Variants in PCDH11X observed in about 807,000 individuals in gnomAD.
PCDH11X encodes the protein protocadherin 11 X-linked.
In PCDH11X, 18 loss-of-function variants were observed where a neutral mutation model predicts 53.3. The observed-to-expected ratio is 0.34, with a 90% CI of 0.23 to 0.50. PCDH11X has a LOEUF of 0.50. PCDH11X is among the 20% of genes least tolerant of loss of function. The pLI, the probability that PCDH11X is intolerant of heterozygous loss-of-function variation, is 0.98. For missense variants in PCDH11X, 570 were observed against 1,032.4 expected (o/e 0.55, Z 6.14); for synonymous variants, 279 against 393.3 (o/e 0.71, Z 3.44).
intron 6 of PCDH11X, among the ~76,000 whole-genome samples, chrX:92,108,895 G>A (rs2064441792): frequency 9.0e-6 from 1 of 111,688 alleles, no homozygotes; most frequent in South Asian, 3.7e-4. Context: ...ATCATTATAA[G>A]TTTTGTAATA....
chrX:92,081,086 C>T (rs1308341457), intron 6 of PCDH11X, among the ~76,000 whole-genome samples: 1 of 111,452 alleles, frequency 9.0e-6, no homozygotes, highest in Non-Finnish European at 1.9e-5. Context: ...AAGTGGCATA[C>T]TTTGGAGCAG....
chrX:92,560,607 A>G (rs2075117439), intron 10 of PCDH11X, among the ~76,000 whole-genome samples: 1 of 108,877 alleles, frequency 9.2e-6, no homozygotes, highest in Non-Finnish European at 1.9e-5. Context: ...AGTCACCACA[A>G]GCTGACTTGG....
chrX:92,299,656 A>G, intron 8 of PCDH11X, among the ~76,000 whole-genome samples: 1 of 111,000 alleles, frequency 9.0e-6, no homozygotes, highest in Non-Finnish European at 1.9e-5. Flanking sequence ...GTCAGTGGTA[A>G]TGTCCTCTTT....
intron 8 of PCDH11X, among the ~76,000 whole-genome samples, chrX:92,311,869 GATAAA>G (rs2068958565): frequency 9.0e-6 from 1 of 110,972 alleles, no homozygotes; most frequent in Non-Finnish European, 1.9e-5. Context: ...TTACAATACA[GATAAA>G]ATGGAATATA....
chrX:92,470,970 T>C (rs780496029), intron 10 of PCDH11X, among the ~76,000 whole-genome samples: 3 of 109,233 alleles, frequency 2.7e-5, no homozygotes, highest in African/African-American at 1.0e-4. Context: ...ATAAGTTTTG[T>C]AGTGTTCCCT....
At chrX:92,601,586 A>G (rs1356406638) in intron 10 of PCDH11X, among the ~76,000 whole-genome samples, 6 of 110,326 alleles carry the variant, frequency 5.4e-5, no homozygotes, top group Non-Finnish European at 1.1e-4. Flanking sequence ...GTTGAAATAG[A>G]GATTCAAACA....
At chrX:91,904,615 GATA>G (rs1211264473) in intron 6 of PCDH11X, among the ~76,000 whole-genome samples, 3 of 110,878 alleles carry the variant, frequency 2.7e-5, no homozygotes, top group East Asian at 2.8e-4. Context: ...CCAACTCAAT[GATA>G]ATAAGTGTTA....
At chrX:91,888,366 A>G (rs1215535703) in intron 6 of PCDH11X, among the ~76,000 whole-genome samples, 4 of 112,079 alleles carry the variant, frequency 3.6e-5, no homozygotes, top group African/African-American at 9.7e-5. Context: ...AAAAATTTTC[A>G]GTGGCCAGGC....
At chrX:92,148,795 C>A (rs868436327) in intron 6 of PCDH11X, among the ~76,000 whole-genome samples, 1 of 98,923 alleles carries the variant, frequency 1.0e-5, no homozygotes, top group Non-Finnish European at 2.0e-5. Context: ...TATATATATA[C>A]ACACACACAC....
intron 7 of PCDH11X, among the ~76,000 whole-genome samples, chrX:92,254,972 A>G (rs1180182995): frequency 1.1e-5 from 1 of 93,922 alleles, no homozygotes; most frequent in African/African-American, 4.0e-5. Context: ...TATTTCCTGA[A>G]TCTGAACGTT....
intron 5 of PCDH11X, among the ~76,000 whole-genome samples, chrX:91,864,851 C>G (rs1460804790): frequency 9.0e-6 from 1 of 111,389 alleles, no homozygotes; most frequent in African/African-American, 3.3e-5. Flanking sequence ...TTCAGAATTT[C>G]TGCTTCATTA....
At chrX:92,575,940 T>TACACACAC (rs1281104592) in intron 10 of PCDH11X, among the ~76,000 whole-genome samples, 30 of 26,543 alleles carry the variant, frequency 1.1e-3, no homozygotes, top group South Asian at 4.1e-3. Flanking sequence ...TATATATATA[T>TACACACAC]ATATACACAC....
chrX:91,825,234 C>G (rs1483788982), intron 4 of PCDH11X, among the ~76,000 whole-genome samples: 1 of 109,316 alleles, frequency 9.1e-6, no homozygotes, highest in Non-Finnish European at 1.9e-5. Flanking sequence ...CTTTGTTTAC[C>G]TAAGGAAGCC....
chrX:91,821,634 C>T (rs899130903), intron 4 of PCDH11X, among the ~76,000 whole-genome samples: 10 of 105,637 alleles, frequency 9.5e-5, no homozygotes, highest in Non-Finnish European at 1.7e-4. Context: ...GACAATTTGA[C>T]TTCCTCTTTT....
chrX:92,045,903 C>A (rs1320016492), intron 6 of PCDH11X, among the ~76,000 whole-genome samples: 1 of 106,011 alleles, frequency 9.4e-6, no homozygotes, highest in Non-Finnish European at 1.9e-5. Context: ...TGTGCCACTG[C>A]ACTCCAGCCT....
intron 10 of PCDH11X, among the ~76,000 whole-genome samples, chrX:92,601,930 G>A: frequency 8.9e-6 from 1 of 111,914 alleles, no homozygotes; most frequent in South Asian, 3.7e-4. Flanking sequence ...TGTTGCAGAA[G>A]CTCTATTATA....
At chrX:92,369,141 G>C (rs2070549469) in intron 8 of PCDH11X, among the ~76,000 whole-genome samples, 1 of 106,472 alleles carries the variant, frequency 9.4e-6, no homozygotes, top group Non-Finnish European at 2.0e-5. Flanking sequence ...CAGGTGCTCT[G>C]TCCCAGGGAA....
At chrX:92,513,773 C>A (rs1205154860) in intron 10 of PCDH11X, among the ~76,000 whole-genome samples, 3 of 110,949 alleles carry the variant, frequency 2.7e-5, no homozygotes, top group Non-Finnish European at 5.7e-5. Flanking sequence ...AAATTATATA[C>A]CAGGAAATTC....
intron 6 of PCDH11X, among the ~76,000 whole-genome samples, chrX:92,090,888 G>A (rs2759965): frequency 1.8e-5 from 2 of 112,166 alleles, no homozygotes; most frequent in African/African-American, 6.5e-5. Context: ...GTTGAAGTTC[G>A]TGAGAGCAGT....
Sources: allele counts gnomAD v4.1 joint callset (sites outside exome capture counted in the v4.1 genomes callset), GRCh38; gene constraint gnomAD v4.1.1; transcripts MANE v1.5; gene names NCBI Gene and HGNC (gene_info 2026-07-23, HGNC 2026-07-21).